The following RLIG1 variants were observed in gnomAD, a reference collection of about 807,000 sequenced individuals.
RLIG1 encodes the protein RNA 5'-phosphate and 3'-OH ligase 1.
chr12:88,043,462 G>A, the RLIG1 span: 1 of 591,444 alleles, frequency 1.7e-6, no homozygotes, highest in Non-Finnish European at 2.9e-6. Context: ...TCATGTTGTG[G>A]TGATAATGAA....
At chr12:88,045,825 T>C in the RLIG1 span, 6 of 1,483,552 alleles carry the variant, frequency 4.0e-6, no homozygotes, top group Non-Finnish European at 5.6e-6. Flanking sequence ...CTGACATTTA[T>C]AAAGAGAACT....
At chr12:88,036,354 A>G in the RLIG1 span, among the ~76,000 whole-genome samples, 2 of 152,228 alleles carry the variant, frequency 1.3e-5, no homozygotes, top group Non-Finnish European at 2.9e-5. Flanking sequence ...ATATTGTACT[A>G]TAAAACGTTG....
At chr12:88,039,754 C>T in the RLIG1 span, among the ~76,000 whole-genome samples, 1 of 152,098 alleles carries the variant, frequency 6.6e-6, no homozygotes, top group African/African-American at 2.4e-5. Flanking sequence ...CATTAAAATG[C>T]AAGTTTCACC....
the RLIG1 span, among the ~76,000 whole-genome samples, chr12:88,046,444 T>C: frequency 6.6e-6 from 1 of 152,170 alleles, no homozygotes; most frequent in Admixed American, 6.5e-5. Flanking sequence ...AGACTTTTTC[T>C]GCCAAATGCC....
the RLIG1 span, among the ~76,000 whole-genome samples, chr12:88,047,137 A>G: frequency 6.6e-6 from 1 of 152,126 alleles, no homozygotes; most frequent in South Asian, 2.1e-4. Context: ...AAGAGGTAAA[A>G]CAGTGCTTCC....
the RLIG1 span, chr12:88,035,560 T>G: frequency 2.9e-6 from 4 of 1,355,988 alleles, no homozygotes; most frequent in African/African-American, 5.8e-5. Flanking sequence ...GCCTGAGCCG[T>G]GCGGGTGACT....
chr12:88,044,475 C>T, the RLIG1 span: 1 of 152,134 alleles, frequency 6.6e-6, no homozygotes, highest in Non-Finnish European at 1.5e-5. Context: ...CCATTATGTG[C>T]AAAGTCCTCT....
the RLIG1 span, among the ~76,000 whole-genome samples, chr12:88,038,138 T>C: frequency 3.3e-5 from 5 of 152,152 alleles, no homozygotes; most frequent in Non-Finnish European, 7.4e-5. Flanking sequence ...TGAGTACTCA[T>C]GGTGCAAAGA....
the RLIG1 span, chr12:88,042,941 T>G: frequency 2.1e-6 from 3 of 1,458,472 alleles, no homozygotes; most frequent in Non-Finnish European, 2.8e-6. Context: ...TTTTAACTTT[T>G]CATGTTTAAA....
the RLIG1 span, chr12:88,045,889 G>T: frequency 1.2e-6 from 1 of 808,494 alleles, no homozygotes; most frequent in Non-Finnish European, 1.9e-6. Flanking sequence ...TAACAAATTT[G>T]AGTTAGTTTC....
At chr12:88,047,628 C>T in the RLIG1 span, among the ~76,000 whole-genome samples, 2 of 151,946 alleles carry the variant, frequency 1.3e-5, no homozygotes, top group Non-Finnish European at 2.9e-5. Context: ...ATCATATCAC[C>T]CTCCAAAAAT....
At chr12:88,038,857 T>C in the RLIG1 span, among the ~76,000 whole-genome samples, 2 of 152,194 alleles carry the variant, frequency 1.3e-5, no homozygotes, top group Non-Finnish European at 2.9e-5. Flanking sequence ...GATAATTGCT[T>C]CATGAAAAGG....
chr12:88,049,696 A>G, the RLIG1 span: 1 of 235,104 alleles, frequency 4.3e-6, no homozygotes, highest in Non-Finnish European at 8.1e-6. Context: ...CTAAAAGCAT[A>G]TAAGAGCTTG....
the RLIG1 span, chr12:88,042,818 T>G: frequency 1.4e-6 from 2 of 1,478,898 alleles, no homozygotes; most frequent in East Asian, 2.6e-5. Flanking sequence ...TGTTATTACT[T>G]TTTTAGATCA....
chr12:88,048,343 TTAAG>T, the RLIG1 span: 36 of 1,604,212 alleles, frequency 2.2e-5, no homozygotes, highest in South Asian at 5.6e-5. Flanking sequence ...GCCTTTGATA[TTAAG>T]TGTTTGTTTA....
At chr12:88,049,331 G>C in the RLIG1 span, 1 of 1,585,552 alleles carries the variant, frequency 6.3e-7, no homozygotes, top group Non-Finnish European at 8.6e-7. Flanking sequence ...CTTCTTCCTT[G>C]TAATTATACT....
At chr12:88,048,315 C>G in the RLIG1 span, 3 of 1,605,978 alleles carry the variant, frequency 1.9e-6, no homozygotes, top group Non-Finnish European at 2.6e-6. Context: ...CAACATGAAC[C>G]TGAACAAATG....
At chr12:88,045,463 C>G in the RLIG1 span, 1 of 700,810 alleles carries the variant, frequency 1.4e-6, no homozygotes, top group Non-Finnish European at 2.4e-6. Flanking sequence ...AAAGTAATAT[C>G]TCTTTGCGAT....
the RLIG1 span, chr12:88,048,445 CATTAT>C: frequency 7.6e-6 from 9 of 1,189,120 alleles, no homozygotes; most frequent in South Asian, 1.1e-4. Context: ...ATTAGTTTAT[CATTAT>C]ATTCTAATCT....
Sources: gnomAD v4.1 joint callset for allele counts (sites outside exome capture counted in the v4.1 genomes callset) on GRCh38, gnomAD v4.1.1 for gene constraint, MANE v1.5 for transcripts, NCBI Gene and HGNC (gene_info 2026-07-23, HGNC 2026-07-21) for gene names.